Variants in FAM151A observed in about 807,000 individuals in gnomAD.
The protein encoded by FAM151A is protein FAM151A.
Under a neutral mutation model 40.4 loss-of-function variants are expected in FAM151A, and 41 were observed. That is an observed-to-expected ratio of 1.01 (90% CI 0.79 to 1.32). The LOEUF (loss-of-function observed/expected upper bound fraction) is 1.32. Ranked by LOEUF, FAM151A falls within the 40% of genes most tolerant of loss-of-function variation. The pLI is 0.00. For missense variants in FAM151A, 740 were observed against 740.4 expected, an observed-to-expected ratio of 1.00 and a Z score of 0.01; for synonymous variants, 337 against 312.5, an observed-to-expected ratio of 1.08 and a Z score of -0.83.
At chr1:54,617,744 T>A (rs1040019816) in intron 2 of FAM151A, among the ~76,000 whole-genome samples, 32 of 114,550 alleles carry the variant, frequency 2.8e-4, no homozygotes, top group East Asian at 8.1e-4. Flanking sequence ...TTTTTTTTTT[T>A]ATGAAGTCTC....
chr1:54,617,976 C>T (rs1449633019), intron 2 of FAM151A, among the ~76,000 whole-genome samples: 1 of 152,086 alleles, frequency 6.6e-6, no homozygotes, highest in Non-Finnish European at 1.5e-5. Context: ...ATCCACCCGC[C>T]TCAGCCTCCC....
chr1:54,610,409 T>C lies in FAM151A; in HGVS notation c.1084+3A>G, dbSNP rs1644104379. 1.2e-6 allele frequency: 2 copies of C among 1,612,886 alleles called. No individual in the cohort carries two copies. Among genetic ancestry groups the C allele is most frequent in the South Asian group, 2.2e-5 (2 of 90,980 alleles). ...AGCACCGGGGCTGAAGGGTAGACCT[T>C]ACCTGGGAGGGTCATTGTTGCTGTT... On this transcript the variant is annotated splice_donor_region_variant and intron_variant, in intron 7 of 7. Coordinates refer to ENST00000302250, the MANE Select transcript of FAM151A (RefSeq NM_176782.3).
chr1:54,609,645 T>G lies in FAM151A; in HGVS notation c.1381A>C (p.Arg461=). The G allele has an allele frequency of 6.2e-7, 1 of 1,613,958 alleles. No individual in the cohort carries two copies. The highest frequency in any genetic ancestry group is 1.7e-5 in the Admixed American group (1 of 60,032). ...SFSVPGHVAG[R]ELLTAVAEVF... Reference sequence around the variant, plus strand: ...TCAGCCACAGCTGTAAGCAGCTCTCTGCCAGCCACATGGCCGGGGACCGAA... The same window carrying G: ...TCAGCCACAGCTGTAAGCAGCTCTCGGCCAGCCACATGGCCGGGGACCGAA... Residue 461 remains arginine, a synonymous_variant, in exon 8 of 8, where the codon AGA becomes CGA. Transcript: ENST00000302250.
At chr1:54,616,210 TA>T in intron 2 of FAM151A, 38 bp from the exon 3 acceptor site, 1 of 1,555,422 alleles carries the variant, frequency 6.4e-7, no homozygotes, top group Non-Finnish European at 8.7e-7. Context: ...TTCCTTTTTT[TA>T]AAAAAAGAAA....
chr1:54,609,791 T>C lies in FAM151A; in HGVS notation c.1235A>G (p.His412Arg). Residue 412 changes from histidine (H) to arginine (R), a missense_variant, in exon 8 of 8, where the codon CAT becomes CGT. By Grantham distance (29) the His-to-Arg change is conservative (BLOSUM62 0). Transcript: ENST00000302250. ...GGCTGCGGGCTCCGCTATTTGCAAATGGATGCCCCAGTGTCCGGGATGTGT... is the reference window on the plus strand; with the variant it reads ...GGCTGCGGGCTCCGCTATTTGCAAACGGATGCCCCAGTGTCCGGGATGTGT... Reference protein sequence around the residue: ...LATHPGHWGIHLQIAEPAALR... With the variant: ...LATHPGHWGIRLQIAEPAALR... 6.2e-7 allele frequency: 1 copy of C among 1,614,140 alleles called. No individual in the cohort carries two copies. The highest frequency in any genetic ancestry group is 8.5e-7 in the Non-Finnish European group (1 of 1,180,006).
chr1:54,618,227 G>A (rs1211703060), intron 2 of FAM151A, among the ~76,000 whole-genome samples: 1 of 152,126 alleles, frequency 6.6e-6, no homozygotes, highest in Non-Finnish European at 1.5e-5. Flanking sequence ...TCCTCAGCCG[G>A]GCGCGGTGGC....
rs1041768971 is a variant in FAM151A at position 54,623,476 on chromosome 1, G to A, written c.-81C>T. 8 of 1,036,026 alleles carry A rather than the reference G, an allele frequency of 7.7e-6. No homozygotes were observed. The highest frequency in any genetic ancestry group is 4.1e-5 in the South Asian group (3 of 73,166). The allele number at this position is 1,036,026 out of a possible 1,614,324, so 64.2% of individuals were successfully genotyped here. ...TCCCTGCAGCTGGAATCCTGTGGGA[G>A]GCAGGAGCTCCCAGCAGCACCTAAT... On this transcript the variant is annotated 5_prime_UTR_variant, in exon 1 of 8. Coordinates refer to ENST00000302250, the MANE Select transcript of FAM151A (RefSeq NM_176782.3).
At chr1:54,618,985 C>T (rs370167900) in intron 2 of FAM151A, among the ~76,000 whole-genome samples, 10 of 152,200 alleles carry the variant, frequency 6.6e-5, no homozygotes, top group African/African-American at 2.2e-4. Flanking sequence ...GTTGCTTCAG[C>T]GTAATTATTA....
At chr1:54,619,824 C>T in intron 2 of FAM151A, 40 bp downstream of exon 2, 2 of 1,605,786 alleles carry the variant, frequency 1.2e-6, no homozygotes, top group Non-Finnish European at 1.7e-6. Flanking sequence ...CTTCTCTATC[C>T]CTTGCCCTGG....
rs770712371 is a variant in FAM151A, at chr1:54,609,925, G to A, written c.1101C>T (p.Ile367=). ...TMTLPDTEGM[I]LLNTGLEGTV... ...TTCCCTCGAGGCCAGTGTTCAGCAGGATCATGCCTTCTGTGTCTGGAAGAG... is the reference window on the plus strand; with the variant it reads ...TTCCCTCGAGGCCAGTGTTCAGCAGAATCATGCCTTCTGTGTCTGGAAGAG... The change falls in exon 8 of 8, where the codon ATC becomes ATT. Residue 367 remains isoleucine, a synonymous_variant. Coordinates refer to ENST00000302250, the MANE Select transcript of FAM151A (RefSeq NM_176782.3). The A allele has an allele frequency of 1.9e-5, 31 of 1,605,974 alleles. No homozygotes were observed. Among genetic ancestry groups the A allele is most frequent in the African/African-American group, 4.0e-5 (3 of 74,942 alleles).
Position 54,623,321 on chromosome 1 carries a change from C to T in FAM151A, c.75G>A (p.Val25=), listed in dbSNP as rs998251649. Residue 25 remains valine, a synonymous_variant, in exon 1 of 8, where the codon GTG becomes GTA. Coordinates refer to ENST00000302250, the MANE Select transcript of FAM151A (RefSeq NM_176782.3). ...TGGCAAGGACTATTGCGGCAATGAC[C>T]ACCACAGACACACAGGTAATGCCGG... is the stretch of plus-strand genomic sequence containing the variant. ...VFAGITCVSV[V]VIAAIVLAIT... 6.2e-7 allele frequency: 1 copy of T among 1,614,018 alleles called. No homozygotes were observed. Among genetic ancestry groups the T allele is most frequent in the East Asian group, 2.2e-5 (1 of 44,888 alleles).
Position 54,609,347 on chromosome 1 carries a change from G to C in FAM151A, c.1679C>G (p.Ala560Gly), listed in dbSNP as rs201295487. 1 of 1,614,160 alleles carries C rather than the reference G, an allele frequency of 6.2e-7. No homozygotes were observed. The highest frequency in any genetic ancestry group is 1.3e-5 in the African/African-American group (1 of 75,048). ...SVRTALLAAR[A>G]VDRTRVYYRL... Reference sequence around the variant, plus strand: ...GTAGTAGACTCGGGTCCTGTCCACAGCCCTAGCTGCCAGCAATGCTGTCCT... The same window carrying C: ...GTAGTAGACTCGGGTCCTGTCCACACCCCTAGCTGCCAGCAATGCTGTCCT... Residue 560 changes from alanine to glycine, a missense_variant, in exon 8 of 8, where the codon GCT (alanine) becomes GGT (glycine). Transcript: ENST00000302250.
At chr1:54,616,293 A>AC in intron 2 of FAM151A, 121 bp from the exon 3 acceptor site, 1 of 824,974 alleles carries the variant, frequency 1.2e-6, no homozygotes, top group Non-Finnish European at 1.9e-6. Context: ...GAAGAGGAAA[A>AC]TATTCACCCA....
intron 1 of FAM151A, among the ~76,000 whole-genome samples, chr1:54,620,838 ACT>A (rs1226540430): frequency 1.0e-4 from 11 of 110,018 alleles, no homozygotes; most frequent in East Asian, 8.3e-4. Flanking sequence ...ACACAAAGAG[ACT>A]CTGTCAAAAA....
At chr1:54,620,069 G>C in intron 1 of FAM151A, 62 bp from the exon 2 acceptor site, 2 of 1,566,552 alleles carry the variant, frequency 1.3e-6, no homozygotes, top group Non-Finnish European at 8.7e-7. Context: ...ACTCATGTTC[G>C]TTCATCCCAT....
rs1372592180 is a variant in FAM151A, at chr1:54,609,751, C to G, written c.1275G>C (p.Leu425=). Reference sequence around the variant, plus strand: ...GGCTGGAGAGGCGTGCCAGCAAGGCCAGGGATGGCCGGAGGGCTGCGGGCT... The same window carrying G: ...GGCTGGAGAGGCGTGCCAGCAAGGCGAGGGATGGCCGGAGGGCTGCGGGCT... The part of the protein sequence containing the change: ...IAEPAALRPS[L]ALLARLSSLG... The change falls in exon 8 of 8, where the codon CTG becomes CTC. Residue 425 remains leucine (L), a synonymous_variant. Coordinates refer to ENST00000302250, the MANE Select transcript of FAM151A (RefSeq NM_176782.3). 6.2e-7 allele frequency: 1 copy of G among 1,614,188 alleles called. No homozygotes were observed. The highest frequency in any genetic ancestry group is 1.1e-5 in the South Asian group (1 of 91,088).
At chr1:54,610,258 T>A in intron 7 of FAM151A, 154 bp downstream of exon 7, 1 of 1,470,130 alleles carries the variant, frequency 6.8e-7, no homozygotes, top group Non-Finnish European at 9.0e-7. Context: ...CTGTACTCCC[T>A]CTCCCTCCCC....
intron 2 of FAM151A, among the ~76,000 whole-genome samples, chr1:54,618,177 C>T (rs1322320718): frequency 6.6e-6 from 1 of 152,126 alleles, no homozygotes; most frequent in Non-Finnish European, 1.5e-5. Flanking sequence ...TACTATGGCA[C>T]CTCCTGCTCA....
Position 54,609,888 on chromosome 1 carries a change from T to A in FAM151A, c.1138A>T (p.Asn380Tyr). 1 of 1,612,508 alleles carries A rather than the reference T, an allele frequency of 6.2e-7. No homozygotes were observed. The highest frequency in any genetic ancestry group is 8.5e-7 in the Non-Finnish European group (1 of 1,179,638). Residue 380 changes from asparagine to tyrosine, a missense_variant, in exon 8 of 8, where the codon AAC becomes TAC. Physicochemically the swap from Asn to Tyr is moderately radical, Grantham distance 143. Transcript: ENST00000302250. Reference protein sequence around the residue: ...NTGLEGTVAENPVPIVHTPSG... With the variant: ...NTGLEGTVAEYPVPIVHTPSG... ...GGAGTATGAACAATGGGCACGGGGT[T>A]TTCAGCCACAGTTCCCTCGAGGCCA...
Sources: gnomAD v4.1 joint callset for allele counts (sites outside exome capture counted in the v4.1 genomes callset) on GRCh38, gnomAD v4.1.1 for gene constraint, MANE v1.5 for transcripts, NCBI Gene and HGNC (gene_info 2026-07-23, HGNC 2026-07-21) for gene names.